MORN3: variants seen among roughly 807,000 people sequenced by gnomAD.
MORN3 encodes MORN repeat-containing protein 3.
Under a neutral mutation model 34.7 loss-of-function variants are expected in MORN3, and 38 were observed. That is an observed-to-expected ratio of 1.10 (90% CI 0.85 to 1.44). MORN3 has a LOEUF of 1.44. Among genes scored for constraint, MORN3 ranks in the 40% most tolerant of loss-of-function variants. MORN3 has a pLI of 0.00. For missense variants in MORN3, 311 were observed against 321.7 expected (o/e 0.97, Z 0.25); for synonymous variants, 109 against 115.3 (o/e 0.95, Z 0.35).
upstream of MORN3, among the ~76,000 whole-genome samples, chr12:121,669,840 T>A (rs1418070148): frequency 0.015 from 2,061 of 138,516 alleles, 38 homozygotes; most frequent in African/African-American, 0.029. Context: ...ATATTTTTTT[T>A]TTTATGTCTT....
At position 121,652,818 on chromosome 12, in the gene MORN3, A is replaced by C. The variant is rs149780620; in HGVS notation, c.649-10T>G. 370 of 1,614,166 alleles carry C rather than the reference A, an allele frequency of 2.3e-4. 1 individual carries two copies. The East Asian group carries it at 3.6e-3, about 16-fold the overall frequency. ...GGTCTAGGATTTTGACCTGGAGGGA[A>C]ATACCAAGAAGTTGGTTTGGAGAGC... On this transcript the variant is annotated splice_polypyrimidine_tract_variant and intron_variant, in intron 4 of 5. Transcript: ENST00000355329.
chr12:121,664,745 C>T (rs1395193574), intron 1 of MORN3, among the ~76,000 whole-genome samples: 1 of 151,770 alleles, frequency 6.6e-6, no homozygotes, highest in African/African-American at 2.4e-5. Context: ...GCGGAGTCAG[C>T]CCACCCGAAC....
chr12:121,658,648 T>G (rs1191103217), intron 2 of MORN3, among the ~76,000 whole-genome samples: 4 of 152,038 alleles, frequency 2.6e-5, no homozygotes, highest in Admixed American at 6.6e-5. Flanking sequence ...CTGTTTATTA[T>G]TAGTGTCTCT....
At chr12:121,663,650 G>A (rs1375516004) in intron 1 of MORN3, among the ~76,000 whole-genome samples, 2 of 152,154 alleles carry the variant, frequency 1.3e-5, no homozygotes, top group African/African-American at 4.8e-5. Context: ...AAGAAAAACA[G>A]TATCTCATGG....
chr12:121,666,131 A>T (rs1290025450), intron 1 of MORN3, among the ~76,000 whole-genome samples: 2 of 151,782 alleles, frequency 1.3e-5, no homozygotes, highest in Non-Finnish European at 2.9e-5. Flanking sequence ...GGAATTCGAA[A>T]CCAGCCTGGC....
rs954079960 is a variant in MORN3, at chr12:121,659,537, TTTC to T, written c.146-192_146-190del. ...TTCCATTTCTTTCTTTCTTTCTTTC[TTTC>T]TTTTTTTTTTTTGAGGCAGTGTCTC... On this transcript the variant is annotated intron_variant, in intron 1 of 5. Transcript: ENST00000355329. Among the ~76,000 whole-genome samples, 4 of 141,358 alleles carry T rather than the reference TTTC, an allele frequency of 2.8e-5. No individual in the cohort carries two copies. The South Asian group carries it at 6.4e-4, about 23-fold the overall frequency. 92.7% of individuals were successfully genotyped at this position (141,358 alleles called of 152,430 possible).
intron 5 of MORN3, among the ~76,000 whole-genome samples, chr12:121,651,874 A>G (rs921615371): frequency 2.0e-5 from 3 of 152,088 alleles, no homozygotes; most frequent in Non-Finnish European, 4.4e-5. Context: ...CCCAGGGTGC[A>G]AATAGAAGGT....
chr12:121,662,684 C>T (rs1433458847), intron 1 of MORN3, among the ~76,000 whole-genome samples: 3 of 144,376 alleles, frequency 2.1e-5, no homozygotes, highest in African/African-American at 7.7e-5. Flanking sequence ...AACCAGGAGG[C>T]GGAGGTTGTA....
chr12:121,659,113 G>C (rs1262841017), intron 2 of MORN3, 78 bp downstream of exon 2: 2 of 1,528,470 alleles, frequency 1.3e-6, no homozygotes, highest in Non-Finnish European at 1.8e-6. Flanking sequence ...GGCCTCTCTC[G>C]GCTTCCCCTA....
At chr12:121,669,834 T>TATATATATATATATATATA (rs1566488482), upstream of MORN3, among the ~76,000 whole-genome samples, 31 of 92,264 alleles carry the variant, frequency 3.4e-4, 1 homozygote, top group South Asian at 2.0e-3. Flanking sequence ...ATATATATAT[T>TATATATATATATATATATA]TTTTTTTTTA....
chr12:121,653,032 T>C (rs1555325247), intron 4 of MORN3, 43 bp downstream of exon 4: 1 of 1,551,796 alleles, frequency 6.4e-7, no homozygotes, highest in Admixed American at 2.0e-5. Context: ...GGCTTCTGTC[T>C]CTGTCTGGGT....
chr12:121,669,665 TG>T, upstream of MORN3: 1 of 811,934 alleles, frequency 1.2e-6, no homozygotes, highest in Non-Finnish European at 1.9e-6. Flanking sequence ...GACCTTTGGT[TG>T]GCCCCTCCCT....
intron 4 of MORN3, 30 bp downstream of exon 4, chr12:121,653,045 G>A: frequency 6.4e-7 from 1 of 1,572,576 alleles, no homozygotes; most frequent in South Asian, 1.1e-5. Flanking sequence ...GTCTGGGTGT[G>A]GCCACAGGGC....
At chr12:121,657,211 G>A (rs570211662) in intron 2 of MORN3, among the ~76,000 whole-genome samples, 1 of 152,252 alleles carries the variant, frequency 6.6e-6, no homozygotes, top group African/African-American at 2.4e-5. Context: ...CTTCTTGCCT[G>A]GGGACTAGAT....
upstream of MORN3, among the ~76,000 whole-genome samples, chr12:121,670,302 G>T (rs1424144255): frequency 1.3e-5 from 2 of 152,016 alleles, no homozygotes; most frequent in Non-Finnish European, 2.9e-5. Context: ...ACAATCTCAG[G>T]TCCTAAATTC....
chr12:121,654,262 T>C lies in MORN3; in HGVS notation c.463+12A>G, dbSNP rs782354258. ...GTCGGGTGGGCGGGGCCGGCGGGGG[T>C]GGGGCACTCACTCAGGCGCAGCATG... On this transcript the variant is annotated intron_variant, in intron 3 of 5. Transcript: ENST00000355329. 1 of 1,469,656 alleles carries C rather than the reference T, an allele frequency of 6.8e-7. No homozygotes were observed. The highest frequency in any genetic ancestry group is 9.0e-7 in the Non-Finnish European group (1 of 1,108,222). The allele number at this position is 1,469,656 out of a possible 1,614,324, so 91.0% of individuals were successfully genotyped here. A position where few individuals can be genotyped will look rare whatever the true frequency, so the allele number is the denominator to read the frequency against.
chr12:121,667,875 T>C (rs1371170366), intron 1 of MORN3, among the ~76,000 whole-genome samples: 2 of 151,736 alleles, frequency 1.3e-5, no homozygotes, highest in South Asian at 2.1e-4. Context: ...AGGCGCCCAC[T>C]ACCACAGCCA....
chr12:121,664,713 A>G (rs1185677159), intron 1 of MORN3, among the ~76,000 whole-genome samples: 1 of 151,932 alleles, frequency 6.6e-6, no homozygotes, highest in Non-Finnish European at 1.5e-5. Flanking sequence ...CAATACATTG[A>G]TTGGCTAGGC....
Position 121,659,277 on chromosome 12 carries a change from C to A in MORN3, c.217G>T (p.Gly73Cys), listed in dbSNP as rs148910019. 1.2e-6 allele frequency: 2 copies of A among 1,614,038 alleles called. No individual in the cohort carries two copies. The highest frequency in any genetic ancestry group is 1.3e-5 in the African/African-American group (1 of 75,026). ...TCAGGAAGGCTGAGGGTGCCGTAGC[C>A]GTCTCGCTTCCCAAACTTCCAGTCC... ...EGDWKFGKRD[G>C]YGTLSLPDQQ... Residue 73 changes from glycine to cysteine, a missense_variant, in exon 2 of 6, where the codon GGC (glycine) becomes TGC (cysteine). Transcript: ENST00000355329.
Sources: gnomAD v4.1 joint callset for allele counts (sites outside exome capture counted in the v4.1 genomes callset) on GRCh38, gnomAD v4.1.1 for gene constraint, MANE v1.5 for transcripts, NCBI Gene and HGNC (gene_info 2026-07-23, HGNC 2026-07-21) for gene names.